The following RP1L1 variants were observed in gnomAD, a reference collection of about 807,000 sequenced individuals.
RP1L1 encodes the protein RP1 like 1.
RP1L1 carries 27 observed loss-of-function variants against 15.7 expected under a neutral mutation model. The ratio of observed to expected loss-of-function variants is 1.72; its 90% CI spans 1.27 to 2.38. The LOEUF (loss-of-function observed/expected upper bound fraction) is 2.38. Ranked by LOEUF, RP1L1 falls within the 30% of genes most tolerant of loss-of-function variation. The pLI is 0.00. For missense variants in RP1L1, 4,798 were observed against 3,075.9 expected (o/e 1.56, Z -13.24); for synonymous variants, 1,813 against 1,276.7 (o/e 1.42, Z -8.96).
intron 1 of RP1L1, among the ~76,000 whole-genome samples, chr8:10,632,861 A>G (rs910539891): frequency 2.0e-5 from 3 of 152,204 alleles, no homozygotes; most frequent in East Asian, 3.9e-4. Flanking sequence ...ACTCAGAGCC[A>G]AGAATGAGCT....
rs756716222 is a variant in RP1L1 at position 10,608,778 on chromosome 8, C to T, written c.5320G>A (p.Gly1774Arg). The T allele has an allele frequency of 3.7e-6, 6 of 1,614,212 alleles. No individual in the cohort carries two copies. In the South Asian group the frequency reaches 4.4e-5, roughly 12 times the overall value. ...CTGGTTTCACTGTTGTGGGTTTTCC[C>T]TTCTCTCTCCTGAGCCATTGCATCT... ...EGDAMAQERE[G>R]KTHNSETSAG... Residue 1774 changes from glycine to arginine, a missense_variant, in exon 4 of 4, where the codon GGG (glycine) becomes AGG (arginine). Transcript: ENST00000382483.
intron 1 of RP1L1, among the ~76,000 whole-genome samples, chr8:10,646,146 G>C (rs1190972153): frequency 6.6e-6 from 1 of 152,244 alleles, no homozygotes; most frequent in African/African-American, 2.4e-5. Context: ...GGACCTGCAG[G>C]AGGGCATCCC....
intron 1 of RP1L1, among the ~76,000 whole-genome samples, chr8:10,638,534 G>C (rs543388130): frequency 6.6e-6 from 1 of 151,816 alleles, no homozygotes; most frequent in Non-Finnish European, 1.5e-5. Flanking sequence ...GCTTGAGTCC[G>C]GCAGTTCAAA....
chr8:10,609,545 C>T lies in RP1L1; in HGVS notation c.4553G>A (p.Trp1518Ter). ...CSAALDCDPI[W>*]VSVLLKKTEK... is the part of the protein sequence containing the mutation. ...CGTCTTCTTCAGTAACACGGACACC[C>T]AGATGGGGTCGCAGTCCAGAGCCGC... The change falls in exon 4 of 4, where the codon TGG becomes TAG. Residue 1518 changes from tryptophan (W) to a stop codon, truncating the protein, a stop_gained. Coordinates refer to ENST00000382483, the MANE Select transcript of RP1L1 (RefSeq NM_178857.6). LOFTEE classifies it low-confidence loss of function (END_TRUNC). The T allele has an allele frequency of 1.2e-6, 2 of 1,605,230 alleles. No homozygotes were observed. The highest frequency in any genetic ancestry group is 1.7e-4 in the Middle Eastern group (1 of 6,044).
In RP1L1 at chr8:10,612,992, C is replaced by A. The variant is rs369268494; in HGVS notation, c.1106G>T (p.Trp369Leu). The A allele has an allele frequency of 6.8e-6, 11 of 1,613,218 alleles. No individual in the cohort carries two copies. Among genetic ancestry groups the A allele is most frequent in the South Asian group, 1.1e-5 (1 of 91,078 alleles). The change falls in exon 4 of 4, where the codon TGG (tryptophan) becomes TTG (leucine). Residue 369 changes from tryptophan to leucine, a missense_variant. By Grantham distance (61) the Trp-to-Leu change is moderately conservative. Coordinates refer to ENST00000382483, the MANE Select transcript of RP1L1 (RefSeq NM_178857.6). ...TGAGAAGCCCCAAGGGTAGCCCTCC[C>A]ACACACAGCAGAGGGGGTCTACCTC... is the stretch of plus-strand genomic sequence containing the variant. Reference protein sequence around the residue: ...LGEVDPLCCVWEGYPWGFSEP... With the variant: ...LGEVDPLCCVLEGYPWGFSEP...
Position 10,609,491 on chromosome 8 carries a change from C to T in RP1L1, c.4607G>A (p.Ser1536Asn), listed in dbSNP as rs1398781499. The change falls in exon 4 of 4, where the codon AGT becomes AAT. Residue 1536 changes from serine to asparagine, a missense_variant. Physicochemically the swap from Ser to Asn is conservative, Grantham distance 46 (BLOSUM62 1). Coordinates refer to ENST00000382483, the MANE Select transcript of RP1L1 (RefSeq NM_178857.6). ...GCGTGCTCGGAGCTCAGCCACCGCA[C>T]TGGCAAGGTGGGCCAGGAAGGCCTT... ...TEKAFLAHLA[S>N]AVAELRARWG... is the part of the protein sequence containing the mutation. 6.2e-7 allele frequency: 1 copy of T among 1,611,220 alleles called. No individual in the cohort carries two copies.
At chr8:10,619,772 C>CAA (rs146499096) in intron 2 of RP1L1, among the ~76,000 whole-genome samples, 105 of 151,190 alleles carry the variant, frequency 6.9e-4, no homozygotes, top group Middle Eastern at 3.4e-3. Flanking sequence ...ACTAAAAATA[C>CAA]AAAAAAAACC....
At chr8:10,624,139 G>T (rs1484329974) in intron 1 of RP1L1, among the ~76,000 whole-genome samples, 2 of 152,204 alleles carry the variant, frequency 1.3e-5, no homozygotes, top group East Asian at 3.8e-4. Flanking sequence ...TCACCTTCCA[G>T]TCCTCACTCT....
chr8:10,633,456 T>A (rs1202932653), intron 1 of RP1L1, among the ~76,000 whole-genome samples: 1 of 152,110 alleles, frequency 6.6e-6, no homozygotes, highest in Non-Finnish European at 1.5e-5. Flanking sequence ...TGCATCAGCT[T>A]CCAGCCAAAC....
rs755423436 is a variant in RP1L1, at chr8:10,607,348, C to G, written c.6750G>C (p.Lys2250Asn). The change falls in exon 4 of 4, where the codon AAG becomes AAC. Residue 2250 changes from lysine to asparagine, a missense_variant. Lys to Asn is a moderately conservative substitution (Grantham distance 94). Coordinates refer to ENST00000382483, the MANE Select transcript of RP1L1 (RefSeq NM_178857.6). ...CTCCTAGACTGACCTGAGGGCTCCC[C>G]TTTTTCTCACCTTGAGTTTCTCCTT... ...ESEGETQGEK[K>N]GSPQVSLGDG... is the part of the protein sequence containing the mutation. 1 of 1,614,146 alleles carries G rather than the reference C, an allele frequency of 6.2e-7. No homozygotes were observed. Among genetic ancestry groups the G allele is most frequent in the Non-Finnish European group, 8.5e-7 (1 of 1,179,984 alleles).
Position 10,610,186 on chromosome 8 carries a change from C to A in RP1L1, c.3912G>T (p.Glu1304Asp). 1 of 1,614,026 alleles carries A rather than the reference C, an allele frequency of 6.2e-7. No individual in the cohort carries two copies. The highest frequency in any genetic ancestry group is 8.5e-7 in the Non-Finnish European group (1 of 1,179,914). Residue 1304 changes from glutamate (E) to aspartate (D), a missense_variant, in exon 4 of 4, where the codon GAG (glutamate) becomes GAT (aspartate). Glu to Asp is a conservative substitution (Grantham distance 45, BLOSUM62 2). Transcript: ENST00000382483. ...ENTVQEEVQL[E>D]ETKEGTEGEG... ...CTCCTTCTGTTCCTTCTTTAGTTTC[C>A]TCTAATTGCACCTCTTCTTGCACTG...
intron 1 of RP1L1, among the ~76,000 whole-genome samples, chr8:10,647,876 C>A (rs1171770051): frequency 6.6e-6 from 1 of 152,192 alleles, no homozygotes; most frequent in Admixed American, 6.5e-5. Context: ...ATTGCTGGAT[C>A]CTATGACAAT....
At chr8:10,642,830 G>A (rs962993730) in intron 1 of RP1L1, among the ~76,000 whole-genome samples, 9 of 152,058 alleles carry the variant, frequency 5.9e-5, no homozygotes, top group East Asian at 1.9e-4. Context: ...AGAAAGCTCT[G>A]GAGAAACTTA....
chr8:10,621,507 G>A (rs11779652), intron 2 of RP1L1: 9,243 of 319,990 alleles, frequency 0.029, 165 homozygotes, highest in Middle Eastern at 0.066. Context: ...TGTATTTTTA[G>A]TAGATATAGG....
intron 1 of RP1L1, among the ~76,000 whole-genome samples, chr8:10,648,377 C>A (rs1183633554): frequency 6.6e-6 from 1 of 151,792 alleles, no homozygotes; most frequent in Non-Finnish European, 1.5e-5. Context: ...TTTAATAGTA[C>A]CTATTCTAAT....
rs771259376 is a variant in RP1L1 at position 10,607,104 on chromosome 8, C to A, written c.6994G>T (p.Gly2332Trp). 16 of 1,614,218 alleles carry A rather than the reference C, an allele frequency of 9.9e-6. No individual in the cohort carries two copies. The South Asian group carries it at 1.6e-4, about 17-fold the overall frequency. ...GCCTTCCTCTCTGCATGAGGGGTCCCCGTGGACTTGGCATCAGGGCTCCTT... is the reference window on the plus strand; with the variant it reads ...GCCTTCCTCTCTGCATGAGGGGTCCACGTGGACTTGGCATCAGGGCTCCTT... The part of the protein sequence containing the change: ...DTRSPDAKST[G>W]TPHAERKATR... The change falls in exon 4 of 4, where the codon GGG becomes TGG. Residue 2332 changes from glycine (G) to tryptophan (W), a missense_variant. Transcript: ENST00000382483.
chr8:10,609,675 G>T lies in RP1L1; in HGVS notation c.4423C>A (p.Pro1475Thr), dbSNP rs1260888622. The change falls in exon 4 of 4, where the codon CCT becomes ACT. Residue 1475 changes from proline (P) to threonine (T), a missense_variant. Coordinates refer to ENST00000382483, the MANE Select transcript of RP1L1 (RefSeq NM_178857.6). ...SERQSGSQLE[P>T]GLEKPPGATM... ...GCTCCGGGCGGCTTTTCCAAACCAG[G>T]CTCAAGCTGGGAGCCACTCTGCCTC... 3 of 1,612,182 alleles carry T rather than the reference G, an allele frequency of 1.9e-6. No individual in the cohort carries two copies. Among genetic ancestry groups the T allele is most frequent in the Admixed American group, 3.3e-5 (2 of 60,026 alleles).
intron 1 of RP1L1, among the ~76,000 whole-genome samples, chr8:10,624,385 C>G (rs1798124085): frequency 6.6e-6 from 1 of 152,210 alleles, no homozygotes; most frequent in South Asian, 2.1e-4. Context: ...TACACACACA[C>G]TCACACATAC....
intron 1 of RP1L1, among the ~76,000 whole-genome samples, chr8:10,645,968 C>A (rs1460639911): frequency 6.6e-6 from 1 of 152,234 alleles, no homozygotes; most frequent in Non-Finnish European, 1.5e-5. Context: ...CAACCCCCTG[C>A]AGGCAGCCCT....
Sources: allele counts gnomAD v4.1 joint callset (sites outside exome capture counted in the v4.1 genomes callset), GRCh38; gene constraint gnomAD v4.1.1; transcripts MANE v1.5; gene names NCBI Gene and HGNC (gene_info 2026-07-23, HGNC 2026-07-21).